CSGALNACT1: variants seen among roughly 807,000 people sequenced by gnomAD.
The protein encoded by CSGALNACT1 is chondroitin sulfate N-acetylgalactosaminyltransferase 1, also known as beta4GalNAcT-1.
A neutral mutation model predicts 51.0 loss-of-function variants in CSGALNACT1; 52 were observed. The observed-to-expected ratio is 1.02, with a 90% CI of 0.82 to 1.29. CSGALNACT1 has a LOEUF of 1.29. Among genes scored for constraint, CSGALNACT1 ranks in the 50% most tolerant of loss-of-function variants. The pLI is 0.00. For synonymous variants in CSGALNACT1, 341 were observed against 254.4 expected (o/e 1.34, Z -3.24); for missense variants, 935 against 679.2 (o/e 1.38, Z -4.19).
Position 19,439,857 on chromosome 8 carries a change from ACTT to A in CSGALNACT1, c.923_925del (p.Glu308del), listed in dbSNP as rs1007189757. Reference sequence around the variant, plus strand: ...GGAAGTGTTTTCAAGTATTCCTTTGACTTCATTTATTTCTTCTTTCCCAAAGTA... The same window carrying A: ...GGAAGTGTTTTCAAGTATTCCTTTGACATTTATTTCTTCTTTCCCAAAGTA... On this transcript the variant is annotated inframe_deletion, in exon 6 of 10. Transcript: ENST00000454498. 2.5e-6 allele frequency: 4 copies of A among 1,613,798 alleles called. No individual in the cohort carries two copies. The Admixed American group carries it at 6.7e-5, about 27-fold the overall frequency.
At chr8:19,423,310 A>G (rs1441095183) in intron 6 of CSGALNACT1, among the ~76,000 whole-genome samples, 1 of 152,226 alleles carries the variant, frequency 6.6e-6, no homozygotes. Context: ...AAATAAGAAT[A>G]CAAGACAGTG....
chr8:19,545,385 G>A (rs952998964), intron 3 of CSGALNACT1, among the ~76,000 whole-genome samples: 5 of 152,100 alleles, frequency 3.3e-5, no homozygotes, highest in Admixed American at 2.0e-4. Context: ...AAATGAGATG[G>A]GGAAAATTTT....
intron 1 of CSGALNACT1, among the ~76,000 whole-genome samples, chr8:19,669,276 A>T (rs1363510752): frequency 6.6e-6 from 1 of 152,234 alleles, no homozygotes; most frequent in African/African-American, 2.4e-5. Flanking sequence ...ACTACCATCT[A>T]TGTTTCTGGA....
intron 3 of CSGALNACT1, among the ~76,000 whole-genome samples, chr8:19,577,317 C>A (rs899461806): frequency 6.6e-6 from 1 of 151,234 alleles, no homozygotes; most frequent in East Asian, 2.0e-4. Context: ...AATCCCAGCG[C>A]TTTGGGAGGT....
chr8:19,430,239 G>T (rs1375555960), intron 6 of CSGALNACT1, among the ~76,000 whole-genome samples: 2 of 152,142 alleles, frequency 1.3e-5, no homozygotes, highest in East Asian at 1.9e-4. Context: ...AGTTGCTAGG[G>T]TTTAAAAGTC....
At chr8:19,696,467 C>T (rs2061588921) in intron 1 of CSGALNACT1, among the ~76,000 whole-genome samples, 1 of 152,068 alleles carries the variant, frequency 6.6e-6, no homozygotes, top group Non-Finnish European at 1.5e-5. Context: ...TATGAAACAC[C>T]ACGATGCAGA....
chr8:19,532,064 C>T (rs55786763), intron 3 of CSGALNACT1: 67,016 of 151,914 alleles, frequency 0.44, 16,134 homozygotes, highest in African/African-American at 0.65. Context: ...GCATGAATGC[C>T]ATGGTGTACT....
intron 2 of CSGALNACT1, among the ~76,000 whole-genome samples, chr8:19,594,210 C>A (rs559419252): frequency 6.6e-6 from 1 of 151,858 alleles, no homozygotes; most frequent in Non-Finnish European, 1.5e-5. Context: ...ATTTAAGGCA[C>A]GGAAAAGGAG....
In CSGALNACT1 at chr8:19,662,071, CCCA is replaced by C. The variant is rs1564372829; in HGVS notation, c.-544+20399_-544+20401del. ...ACTATTACAGTTGCCCCCACCCCCC[CCCA>C]CCCCCCCCCCCCCCCGCATCTTCAG... On this transcript the variant is annotated intron_variant, in intron 1 of 9. Transcript: ENST00000332246. Among the ~76,000 whole-genome samples, 382 of 49,088 alleles carry C rather than the reference CCCA, an allele frequency of 7.8e-3. 4 individuals carry two copies. The highest frequency in any genetic ancestry group is 0.015 in the African/African-American group (202 of 13,808). The allele number at this position is 49,088 out of a possible 152,430, so 32.2% of individuals were successfully genotyped here. A position where few individuals can be genotyped will look rare whatever the true frequency, so the allele number is the denominator to read the frequency against.
At chr8:19,461,141 C>A (rs2065265309) in intron 4 of CSGALNACT1, among the ~76,000 whole-genome samples, 2 of 152,204 alleles carry the variant, frequency 1.3e-5, no homozygotes, top group South Asian at 4.1e-4. Flanking sequence ...GAGAGTTTTG[C>A]TGAGCTCATG....
chr8:19,660,014 A>C (rs996817783), intron 1 of CSGALNACT1, among the ~76,000 whole-genome samples: 1 of 152,232 alleles, frequency 6.6e-6, no homozygotes, highest in African/African-American at 2.4e-5. Flanking sequence ...ACAAGGTAGT[A>C]CTATTATTGT....
chr8:19,538,189 CA>C (rs2084215437), intron 3 of CSGALNACT1, among the ~76,000 whole-genome samples: 1 of 151,930 alleles, frequency 6.6e-6, no homozygotes, highest in African/African-American at 2.4e-5. Flanking sequence ...GTGAGCCAGG[CA>C]TGGTGGCATG....
chr8:19,415,098 T>C (rs985248697), intron 8 of CSGALNACT1, among the ~76,000 whole-genome samples: 1 of 152,194 alleles, frequency 6.6e-6, no homozygotes, highest in Non-Finnish European at 1.5e-5. Context: ...TCTGTACTGA[T>C]AGAAGGAAAT....
At chr8:19,714,269 T>A (rs2062676397) in intron 1 of CSGALNACT1, among the ~76,000 whole-genome samples, 1 of 152,230 alleles carries the variant, frequency 6.6e-6, no homozygotes, top group African/African-American at 2.4e-5. Flanking sequence ...TCCTTTCCTC[T>A]GGCTGAATTA....
chr8:19,423,899 G>A (rs1225106111), intron 6 of CSGALNACT1, among the ~76,000 whole-genome samples: 1 of 152,188 alleles, frequency 6.6e-6, no homozygotes, highest in South Asian at 2.1e-4. Context: ...AGAAAGCCCT[G>A]GGAAGTGGTA....
At chr8:19,727,341 G>C (rs1243172429) in intron 1 of CSGALNACT1, among the ~76,000 whole-genome samples, 4 of 151,940 alleles carry the variant, frequency 2.6e-5, no homozygotes, top group African/African-American at 7.2e-5. Flanking sequence ...GGTTTGGTTT[G>C]GTTTGGTTTG....
Position 19,495,650 on chromosome 8 carries a change from A to G in CSGALNACT1, c.634+9551T>C, listed in dbSNP as rs561500838. Among the ~76,000 whole-genome samples, 3 of 152,340 alleles carry G rather than the reference A, an allele frequency of 2.0e-5. No homozygotes were observed. The South Asian group carries it at 6.2e-4, about 32-fold the overall frequency. ...AGATGGCAAGGATAGGTGCAGAGAA[A>G]CAAAGGAAGCAGAAGCTACTGACTG... On this transcript the variant is annotated intron_variant, in intron 4 of 9. Coordinates refer to ENST00000454498, the Ensembl canonical transcript of CSGALNACT1.
intron 1 of CSGALNACT1, among the ~76,000 whole-genome samples, chr8:19,727,771 C>T (rs771079089): frequency 2.6e-5 from 4 of 152,130 alleles, no homozygotes; most frequent in South Asian, 2.1e-4. Context: ...CTTCCTGACA[C>T]GTAGGTATAA....
intron 1 of CSGALNACT1, among the ~76,000 whole-genome samples, chr8:19,640,415 A>G (rs555363005): frequency 6.6e-6 from 1 of 152,308 alleles, no homozygotes; most frequent in African/African-American, 2.4e-5. Context: ...CTTGGAATTC[A>G]GCTGCTAGAG....
Sources: allele counts gnomAD v4.1 joint callset (sites outside exome capture counted in the v4.1 genomes callset), GRCh38; gene constraint gnomAD v4.1.1; transcripts MANE v1.5; gene names NCBI Gene and HGNC (gene_info 2026-07-23, HGNC 2026-07-21).